Variants in VTA1 observed in about 807,000 individuals in gnomAD.
The protein encoded by VTA1 is vacuolar protein sorting-associated protein VTA1 homolog.
A neutral mutation model predicts 36.9 loss-of-function variants in VTA1; 24 were observed. The observed-to-expected ratio is 0.65, with a 90% CI of 0.47 to 0.91. The LOEUF is 0.91. Among genes scored for constraint, VTA1 ranks in the 40% least tolerant of loss-of-function variants. The pLI is 0.00. For synonymous variants in VTA1, 142 were observed against 130.2 expected (o/e 1.09, Z -0.62); for missense variants, 393 against 377.2 (o/e 1.04, Z -0.35).
intron 2 of VTA1, among the ~76,000 whole-genome samples, chr6:142,166,713 C>G (rs1774923089): frequency 6.6e-6 from 1 of 152,058 alleles, no homozygotes; most frequent in African/African-American, 2.4e-5. Context: ...CCCCCACCTC[C>G]CAGGTTCAAG....
chr6:142,189,974 G>A (rs999651072), intron 5 of VTA1, among the ~76,000 whole-genome samples: 2 of 152,066 alleles, frequency 1.3e-5, no homozygotes, highest in Non-Finnish European at 2.9e-5. Flanking sequence ...AGACAGGATG[G>A]TCTCGATCTC....
At chr6:142,207,241 G>A (rs191796642) in intron 7 of VTA1, among the ~76,000 whole-genome samples, 2 of 152,248 alleles carry the variant, frequency 1.3e-5, no homozygotes. Flanking sequence ...TTTCTACACT[G>A]AAAGAAGTAA....
chr6:142,199,459 A>C (rs1775635540), intron 6 of VTA1, among the ~76,000 whole-genome samples: 2 of 152,180 alleles, frequency 1.3e-5, no homozygotes, highest in Non-Finnish European at 2.9e-5. Context: ...AACTATACAA[A>C]CACTTTAAAA....
intron 4 of VTA1, 97 bp from the exon 5 acceptor site, chr6:142,189,329 A>G (rs1317042442): frequency 1.0e-6 from 1 of 985,438 alleles, no homozygotes; most frequent in East Asian, 2.5e-5. Context: ...CTGCAAAAAT[A>G]GGTTTTATCT....
chr6:142,168,383 C>A (rs980165288), intron 2 of VTA1, among the ~76,000 whole-genome samples: 1 of 151,634 alleles, frequency 6.6e-6, no homozygotes, highest in Non-Finnish European at 1.5e-5. Context: ...AAAGTATTTA[C>A]TTTGCTGATT....
chr6:142,210,918 A>C (rs1181682204), intron 7 of VTA1, among the ~76,000 whole-genome samples: 1 of 152,236 alleles, frequency 6.6e-6, no homozygotes, highest in Non-Finnish European at 1.5e-5. Context: ...AATCAACCTA[A>C]ATGGCTATCA....
At chr6:142,152,111 T>A (rs1778580313) in intron 1 of VTA1, among the ~76,000 whole-genome samples, 1 of 145,402 alleles carries the variant, frequency 6.9e-6, no homozygotes, top group African/African-American at 2.6e-5. Flanking sequence ...TTATTACTAT[T>A]TTTTTTTTTT....
At chr6:142,168,876 C>T (rs1302602314) in intron 2 of VTA1, among the ~76,000 whole-genome samples, 1 of 151,620 alleles carries the variant, frequency 6.6e-6, no homozygotes, top group African/African-American at 2.4e-5. Context: ...ATGCCATTCT[C>T]CTGCCTCAGC....
intron 4 of VTA1, among the ~76,000 whole-genome samples, chr6:142,179,390 A>G (rs1775182842): frequency 6.6e-6 from 1 of 152,152 alleles, no homozygotes; most frequent in African/African-American, 2.4e-5. Flanking sequence ...GAAAAATAAA[A>G]ACATATGTCC....
chr6:142,148,917 G>A (rs946448719), intron 1 of VTA1, among the ~76,000 whole-genome samples: 8 of 152,140 alleles, frequency 5.3e-5, no homozygotes, highest in Non-Finnish European at 7.3e-5. Context: ...TGGAGTGGAT[G>A]GGGCTTGGGA....
rs1048237387 is a variant in VTA1 at position 142,148,044 on chromosome 6, T to TA, written c.112+653dup. Among the ~76,000 whole-genome samples the TA allele has an allele frequency of 3.3e-5, 5 of 152,040 alleles. No individual in the cohort carries two copies. The East Asian group carries it at 5.8e-4, about 18-fold the overall frequency. On this transcript the variant is annotated intron_variant, in intron 1 of 7. Coordinates refer to ENST00000367630, the MANE Select transcript of VTA1 (RefSeq NM_016485.5). Reference sequence around the variant, plus strand: ...TTATACGTTGAATTTACAGTTTGATTAAAAAAAATATAGGTTAACTCTGCT... The same window carrying TA: ...TTATACGTTGAATTTACAGTTTGATTAAAAAAAAATATAGGTTAACTCTGCT...
chr6:142,207,200 G>A (rs961836536), intron 7 of VTA1, among the ~76,000 whole-genome samples: 1 of 151,978 alleles, frequency 6.6e-6, no homozygotes, highest in Non-Finnish European at 1.5e-5. Context: ...CTACCCTTAT[G>A]CCCACACAGA....
In VTA1 at chr6:142,166,401, T is replaced by A. The variant is rs983972692; in HGVS notation, c.207+79T>A. The A allele has an allele frequency of 4.2e-4, 447 of 1,052,462 alleles. 2 individuals carry two copies. Among genetic ancestry groups the A allele is most frequent in the Non-Finnish European group, 5.8e-4 (414 of 711,368 alleles). 65.2% of individuals were successfully genotyped at this position (1,052,462 alleles called of 1,614,324 possible). On this transcript the variant is annotated intron_variant, in intron 2 of 7. Transcript: ENST00000367630. The stretch of plus-strand genomic sequence containing the variant: ...TTCATTTGCGTGTCTGTGTTGTCAT[T>A]TTAGTTCTTTCCCTTGGCAACAATC...
chr6:142,177,387 G>A (rs1006637372), intron 4 of VTA1, among the ~76,000 whole-genome samples: 3 of 152,316 alleles, frequency 2.0e-5, no homozygotes, highest in Admixed American at 1.3e-4. Flanking sequence ...ACATACGTAA[G>A]ATGATGAAAA....
intron 4 of VTA1, among the ~76,000 whole-genome samples, chr6:142,176,046 T>C (rs1233492854): frequency 6.6e-6 from 1 of 152,164 alleles, no homozygotes; most frequent in East Asian, 1.9e-4. Context: ...TTGGAATCAG[T>C]GCCCAGTTTT....
rs761215672 is a variant in VTA1, at chr6:142,164,790, A to G, written c.113-1438A>G. ...ATAATGAATGATAAAAATGACATTT[A>G]AATCAGTAGGACAGAATGAGCTATT... On this transcript the variant is annotated intron_variant, in intron 1 of 7. Coordinates refer to ENST00000367630, the MANE Select transcript of VTA1 (RefSeq NM_016485.5). Among the ~76,000 whole-genome samples, 7 of 152,328 alleles carry G rather than the reference A, an allele frequency of 4.6e-5. No individual in the cohort carries two copies. In the South Asian group the frequency reaches 1.5e-3, roughly 32 times the overall value.
chr6:142,198,386 G>C, intron 5 of VTA1, 53 bp from the exon 6 acceptor site: 1 of 1,541,496 alleles, frequency 6.5e-7, no homozygotes, highest in East Asian at 2.3e-5. Context: ...AGAATACCTA[G>C]CACTTGTATT....
chr6:142,187,709 A>G (rs1775365517), intron 4 of VTA1, among the ~76,000 whole-genome samples: 1 of 152,182 alleles, frequency 6.6e-6, no homozygotes, highest in South Asian at 2.1e-4. Context: ...TAAATTGAAT[A>G]TGTAAGAGGA....
rs1776064946 is a variant in VTA1 at position 142,219,551 on chromosome 6, A to G, written c.*908A>G. ...TATGAACTTACTGTGTACTACCTGC[A>G]TTTGTGCTGTGTGAAAAATAAATAC... On this transcript the variant is annotated 3_prime_UTR_variant, in exon 8 of 8. Coordinates refer to ENST00000367630, the MANE Select transcript of VTA1 (RefSeq NM_016485.5). The G allele has an allele frequency of 1.3e-5, 2 of 152,166 alleles. No homozygotes were observed. The highest frequency in any genetic ancestry group is 2.4e-5 in the African/African-American group (1 of 41,432). 9.4% of individuals were successfully genotyped at this position (152,166 alleles called of 1,614,324 possible). A position where few individuals can be genotyped will look rare whatever the true frequency, so the allele number is the denominator to read the frequency against.
Sources: allele counts gnomAD v4.1 joint callset (sites outside exome capture counted in the v4.1 genomes callset), GRCh38; gene constraint gnomAD v4.1.1; transcripts MANE v1.5; gene names NCBI Gene and HGNC (gene_info 2026-07-23, HGNC 2026-07-21).